The following GLRA2 variants were observed in gnomAD, a reference collection of about 807,000 sequenced individuals.
The protein encoded by GLRA2 is glycine receptor subunit alpha-2.
Under a neutral mutation model 31.6 loss-of-function variants are expected in GLRA2, and 11 were observed. That is an observed-to-expected ratio of 0.35 (90% CI 0.22 to 0.58). GLRA2 has a LOEUF of 0.58. GLRA2 is among the 20% of genes least tolerant of loss of function. The probability of loss-of-function intolerance (pLI) is 0.84; values close to 1 mark genes in which losing one functional copy is unlikely to be tolerated. For synonymous variants in GLRA2, 132 were observed against 134.0 expected, an observed-to-expected ratio of 0.99 and a Z score of 0.10; for missense variants, 212 against 351.8, an observed-to-expected ratio of 0.60 and a Z score of 3.18.
the GLRA2 span, among the ~76,000 whole-genome samples, chrX:14,504,853 T>A: frequency 2.7e-5 from 3 of 111,846 alleles, no homozygotes; most frequent in South Asian, 3.8e-4. Flanking sequence ...AGCCAAGATA[T>A]GATGTTTTTC....
intron 2 of GLRA2, among the ~76,000 whole-genome samples, chrX:14,559,692 T>G (rs889101672): frequency 9.1e-6 from 1 of 109,810 alleles, no homozygotes; most frequent in Non-Finnish European, 1.9e-5. Flanking sequence ...GTGCTGGGAT[T>G]ATAGACATGA....
At chrX:14,710,841 C>T (rs1455569987) in intron 8 of GLRA2, among the ~76,000 whole-genome samples, 2 of 111,800 alleles carry the variant, frequency 1.8e-5, no homozygotes, top group African/African-American at 6.5e-5. Context: ...ACAGAGACTC[C>T]ATAAATAGAA....
intron 7 of GLRA2, among the ~76,000 whole-genome samples, chrX:14,643,237 T>C (rs1041730991): frequency 5.4e-5 from 6 of 112,017 alleles, no homozygotes; most frequent in Admixed American, 9.5e-5. Flanking sequence ...GGTTGATGCA[T>C]TGAATTCAGC....
At chrX:14,604,448 G>A in intron 5 of GLRA2, 51 bp downstream of exon 5, 1 of 746,145 alleles carries the variant, frequency 1.3e-6, no homozygotes. Flanking sequence ...CCAATGACCT[G>A]GTTCTTTTAG....
chrX:14,606,747 G>A, intron 5 of GLRA2, among the ~76,000 whole-genome samples: 1 of 112,011 alleles, frequency 8.9e-6, no homozygotes, highest in African/African-American at 3.2e-5. Context: ...TGGCACTGTG[G>A]ATTGGATTGT....
chrX:14,630,891 A>C (rs2090638171), intron 7 of GLRA2, among the ~76,000 whole-genome samples: 1 of 107,206 alleles, frequency 9.3e-6, no homozygotes, highest in South Asian at 4.1e-4. Context: ...AGTGCTTTGC[A>C]CACTGTGTCC....
intron 7 of GLRA2, among the ~76,000 whole-genome samples, chrX:14,665,860 AG>A (rs2091033799): frequency 1.8e-5 from 2 of 112,194 alleles, no homozygotes; most frequent in Admixed American, 9.5e-5. Context: ...AACTAGAATG[AG>A]TATGTGATGT....
chrX:14,616,885 T>A (rs975670867), intron 7 of GLRA2, among the ~76,000 whole-genome samples: 2 of 111,858 alleles, frequency 1.8e-5, no homozygotes, highest in Non-Finnish European at 3.8e-5. Flanking sequence ...TAGCCAGATG[T>A]CTGCATATGT....
chrX:14,613,226 T>C (rs1308261016), intron 7 of GLRA2, among the ~76,000 whole-genome samples: 2 of 111,685 alleles, frequency 1.8e-5, no homozygotes, highest in Non-Finnish European at 3.8e-5. Flanking sequence ...TCCCTGTCCA[T>C]AATGTAGTAG....
chrX:14,508,382 TTAAATC>T, the GLRA2 span, among the ~76,000 whole-genome samples: 4 of 112,380 alleles, frequency 3.6e-5, no homozygotes, highest in African/African-American at 9.7e-5. Flanking sequence ...GAGGGCTTGA[TTAAATC>T]TAAAGAAAAC....
chrX:14,581,968 CT>C (rs1431939981), intron 4 of GLRA2, among the ~76,000 whole-genome samples: 1 of 110,854 alleles, frequency 9.0e-6, no homozygotes, highest in African/African-American at 3.3e-5. Flanking sequence ...TCCATTTTTG[CT>C]TTTATATTCA....
intron 4 of GLRA2, among the ~76,000 whole-genome samples, chrX:14,582,334 G>A (rs2090030618): frequency 9.4e-6 from 1 of 106,186 alleles, no homozygotes; most frequent in Non-Finnish European, 1.9e-5. Context: ...TTTTCTTCTT[G>A]CGATAGTTTA....
chrX:14,485,843 C>G, the GLRA2 span, among the ~76,000 whole-genome samples: 2 of 111,597 alleles, frequency 1.8e-5, no homozygotes, highest in Non-Finnish European at 3.8e-5. Flanking sequence ...TCATGTAGCT[C>G]CTCTACTGAA....
intron 7 of GLRA2, among the ~76,000 whole-genome samples, chrX:14,679,624 G>A (rs2091179492): frequency 9.1e-6 from 1 of 110,475 alleles, no homozygotes; most frequent in Non-Finnish European, 1.9e-5. Context: ...TCACTGGGTT[G>A]CTCATTATTC....
At chrX:14,678,030 G>T (rs1172721671) in intron 7 of GLRA2, among the ~76,000 whole-genome samples, 1 of 111,959 alleles carries the variant, frequency 8.9e-6, no homozygotes, top group African/African-American at 3.2e-5. Context: ...CAATAGCACT[G>T]CTCCCTGGTT....
intron 2 of GLRA2, among the ~76,000 whole-genome samples, chrX:14,536,454 T>G (rs1262827718): frequency 8.9e-6 from 1 of 112,161 alleles, no homozygotes; most frequent in Non-Finnish European, 1.9e-5. Flanking sequence ...GACATTACTA[T>G]GGAACCTGAG....
chrX:14,528,365 C>T (rs898508152), upstream of GLRA2, among the ~76,000 whole-genome samples: 3 of 112,051 alleles, frequency 2.7e-5, no homozygotes, highest in Non-Finnish European at 3.8e-5. Context: ...TAGTCATTTA[C>T]GGAGTAAAAA....
chrX:14,514,830 T>A, the GLRA2 span, among the ~76,000 whole-genome samples: 1 of 111,273 alleles, frequency 9.0e-6, no homozygotes, highest in African/African-American at 3.3e-5. Context: ...TGTGGTGTCA[T>A]AGTATAGTTT....
At chrX:14,712,086 TA>T (rs886496321) in intron 8 of GLRA2, among the ~76,000 whole-genome samples, 1 of 113,087 alleles carries the variant, frequency 8.8e-6, no homozygotes, top group Non-Finnish European at 1.9e-5. Flanking sequence ...TGCCTTGGCA[TA>T]ACATTACCTT....
Sources: gnomAD v4.1 joint callset for allele counts (sites outside exome capture counted in the v4.1 genomes callset) on GRCh38, gnomAD v4.1.1 for gene constraint, MANE v1.5 for transcripts, NCBI Gene and HGNC (gene_info 2026-07-23, HGNC 2026-07-21) for gene names.